Variants in NPHP1 observed in about 807,000 individuals in gnomAD.
NPHP1 encodes the protein nephrocystin-1.
NPHP1 carries 70 observed loss-of-function variants against 90.4 expected under a neutral mutation model. The ratio of observed to expected loss-of-function variants is 0.77; its 90% CI spans 0.64 to 0.95. The LOEUF (loss-of-function observed/expected upper bound fraction) is 0.95. NPHP1 is among the 40% of genes least tolerant of loss of function. The pLI is 0.00. For missense variants in NPHP1, 764 were observed against 795.9 expected (o/e 0.96, Z 0.48); for synonymous variants, 256 against 271.7 (o/e 0.94, Z 0.57).
intron 16 of NPHP1, among the ~76,000 whole-genome samples, chr2:110,139,224 C>T (rs1271341135): frequency 6.6e-6 from 1 of 151,976 alleles, no homozygotes; most frequent in Non-Finnish European, 1.5e-5. Context: ...CACACACACA[C>T]ACACACACGC....
At chr2:110,150,377 T>C in intron 11 of NPHP1, 121 bp from the exon 12 acceptor site, 5 of 870,280 alleles carry the variant, frequency 5.7e-6, no homozygotes, top group South Asian at 1.4e-5. Context: ...GGGAGAACTT[T>C]CACTTTTTAC....
chr2:110,145,178 T>C (rs952551276), intron 14 of NPHP1, among the ~76,000 whole-genome samples: 3 of 152,192 alleles, frequency 2.0e-5, no homozygotes, highest in Non-Finnish European at 2.9e-5. Context: ...GCTTTTCTTT[T>C]GAAGTCACAT....
chr2:110,187,909 CAA>C (rs139627954), intron 2 of NPHP1, among the ~76,000 whole-genome samples: 1 of 150,328 alleles, frequency 6.7e-6, no homozygotes, highest in African/African-American at 2.4e-5. Flanking sequence ...GAACTTAAGA[CAA>C]AAAAAAATGA....
At chr2:110,139,886 G>C (rs984423617) in intron 16 of NPHP1, among the ~76,000 whole-genome samples, 3 of 152,100 alleles carry the variant, frequency 2.0e-5, no homozygotes. Flanking sequence ...CGAAGGTTTC[G>C]GGTCAGGGGA....
At chr2:110,138,746 T>G (rs796573487) in intron 16 of NPHP1, among the ~76,000 whole-genome samples, 10 of 152,256 alleles carry the variant, frequency 6.6e-5, no homozygotes, top group African/African-American at 2.2e-4. Flanking sequence ...GGGCTCATGA[T>G]GAAGAACAGC....
rs754327891 is a variant in NPHP1 at position 110,169,896 on chromosome 2, C to T, written c.432G>A (p.Glu144=). ...EDAEEEEEEK[E]ENESHKWSTG... is the part of the protein sequence containing the mutation. ...TTGACCATTTGTGAGATTCATTTTC[C>T]TCTTTCTCTTCCTCTTCCTCCTCTG... is the stretch of plus-strand genomic sequence containing the variant. Residue 144 remains glutamate (E), a synonymous_variant, in exon 5 of 20, where the codon GAG becomes GAA. Transcript: ENST00000445609. 1.9e-6 allele frequency: 3 copies of T among 1,612,786 alleles called. No individual in the cohort carries two copies. Among genetic ancestry groups the T allele is most frequent in the South Asian group, 2.2e-5 (2 of 91,038 alleles).
intron 4 of NPHP1, among the ~76,000 whole-genome samples, chr2:110,175,877 T>C (rs1683473552): frequency 6.6e-6 from 1 of 152,150 alleles, no homozygotes; most frequent in Non-Finnish European, 1.5e-5. Flanking sequence ...CTCTCTTACA[T>C]TCTGTTTTGT....
At chr2:110,152,142 G>A (rs908250069) in intron 11 of NPHP1, among the ~76,000 whole-genome samples, 5 of 152,064 alleles carry the variant, frequency 3.3e-5, no homozygotes, top group Admixed American at 6.6e-5. Flanking sequence ...CAGAGATTTC[G>A]TTCAGCAAAC....
At chr2:110,186,904 C>A (rs1437158423) in intron 2 of NPHP1, among the ~76,000 whole-genome samples, 1 of 152,054 alleles carries the variant, frequency 6.6e-6, no homozygotes, top group Non-Finnish European at 1.5e-5. Context: ...AGGAAAATAA[C>A]CACCTGTCCC....
At chr2:110,187,874 A>G (rs1295845051) in intron 2 of NPHP1, among the ~76,000 whole-genome samples, 1 of 151,964 alleles carries the variant, frequency 6.6e-6, no homozygotes, top group East Asian at 1.9e-4. Context: ...ATACAAATTA[A>G]TAAATGTGAT....
chr2:110,176,976 C>T (rs1367871925), intron 4 of NPHP1, among the ~76,000 whole-genome samples: 1 of 152,200 alleles, frequency 6.6e-6, no homozygotes, highest in Non-Finnish European at 1.5e-5. Context: ...TGGCACCTTG[C>T]TCCACAACTC....
rs571905866 is a variant in NPHP1, at chr2:110,161,468, C to A, written c.954+135G>T. 1.6e-5 allele frequency: 10 copies of A among 625,968 alleles called. No homozygotes were observed. The African/African-American group carries it at 1.8e-4, about 12-fold the overall frequency. 38.8% of individuals were successfully genotyped at this position (625,968 alleles called of 1,614,324 possible). Reference sequence around the variant, plus strand: ...AATTCTGCCTTAGTTATAAAAATATCGCTATTTTCAAAATTATCATAAACA... The same window carrying A: ...AATTCTGCCTTAGTTATAAAAATATAGCTATTTTCAAAATTATCATAAACA... On this transcript the variant is annotated intron_variant, in intron 10 of 19. Coordinates refer to ENST00000445609, the MANE Select transcript of NPHP1 (RefSeq NM_001128178.3).
chr2:110,144,624 C>A, intron 14 of NPHP1, 55 bp from the exon 15 acceptor site: 1 of 1,011,636 alleles, frequency 9.9e-7, no homozygotes, highest in Non-Finnish European at 1.6e-6. Flanking sequence ...GTAGAAAACA[C>A]TGGAGTCAGT....
chr2:110,160,106 T>C, intron 11 of NPHP1, 21 bp downstream of exon 11: 1 of 1,610,156 alleles, frequency 6.2e-7, no homozygotes, highest in Non-Finnish European at 8.5e-7. Flanking sequence ...TATGAATTGA[T>C]TTACTTCTCA....
At chr2:110,170,328 T>A (rs948761512) in intron 4 of NPHP1, among the ~76,000 whole-genome samples, 5 of 152,178 alleles carry the variant, frequency 3.3e-5, no homozygotes, top group Non-Finnish European at 7.4e-5. Context: ...TAGGCTCTGC[T>A]AAATTTAAAT....
At chr2:110,124,692 GGC>G in intron 19 of NPHP1, 1 of 171,722 alleles carries the variant, frequency 5.8e-6, no homozygotes, top group Non-Finnish European at 1.3e-5. Context: ...GCTGTCCACA[GGC>G]AGCAGAGTCT....
At chr2:110,127,470 G>A (rs193151749) in intron 18 of NPHP1, 185 of 152,190 alleles carry the variant, frequency 1.2e-3, no homozygotes, top group African/African-American at 4.1e-3. Context: ...TTAAGAAAAT[G>A]TAGATAAAAT....
At chr2:110,142,088 G>C (rs1045740399) in intron 16 of NPHP1, among the ~76,000 whole-genome samples, 2 of 152,024 alleles carry the variant, frequency 1.3e-5, no homozygotes, top group Non-Finnish European at 2.9e-5. Flanking sequence ...ACCCATGAGA[G>C]ATGAAGACAT....
intron 11 of NPHP1, among the ~76,000 whole-genome samples, chr2:110,154,947 C>T (rs1681780104): frequency 6.6e-6 from 1 of 152,132 alleles, no homozygotes. Context: ...CTCCCCAAGA[C>T]AATGTGAAAA....
Sources: allele counts gnomAD v4.1 joint callset (sites outside exome capture counted in the v4.1 genomes callset), GRCh38; gene constraint gnomAD v4.1.1; transcripts MANE v1.5; gene names NCBI Gene and HGNC (gene_info 2026-07-23, HGNC 2026-07-21).